Variants in DOCK3 observed in about 807,000 individuals in gnomAD.
DOCK3 encodes the protein dedicator of cytokinesis protein 3.
A neutral mutation model predicts 265.6 loss-of-function variants in DOCK3; 60 were observed. The observed-to-expected ratio is 0.23, with a 90% CI of 0.18 to 0.28. The LOEUF is 0.28. DOCK3 is among the 10% of genes least tolerant of loss of function. The probability of loss-of-function intolerance (pLI) is 1.00; values close to 1 mark genes in which losing one functional copy is unlikely to be tolerated. For missense variants in DOCK3, 1,981 were observed against 2,594.3 expected (o/e 0.76, Z 5.14); for synonymous variants, 881 against 938.0 (o/e 0.94, Z 1.11).
chr3:50,869,763 G>A (rs2047348049), intron 3 of DOCK3, among the ~76,000 whole-genome samples: 1 of 152,004 alleles, frequency 6.6e-6, no homozygotes. Flanking sequence ...TTCATTCAGA[G>A]TTTTTCTTCT....
chr3:51,193,252 C>T (rs2088059651), intron 12 of DOCK3, among the ~76,000 whole-genome samples: 1 of 152,112 alleles, frequency 6.6e-6, no homozygotes, highest in South Asian at 2.1e-4. Flanking sequence ...ATTTTTGAAT[C>T]CCTGGTATAA....
intron 12 of DOCK3, among the ~76,000 whole-genome samples, chr3:51,179,227 A>G (rs1237273551): frequency 6.6e-6 from 1 of 152,248 alleles, no homozygotes; most frequent in Non-Finnish European, 1.5e-5. Context: ...TAATTTTCAT[A>G]AGGCAGAAAT....
At chr3:50,904,876 AG>A (rs1559794189) in intron 4 of DOCK3, among the ~76,000 whole-genome samples, 1 of 152,026 alleles carries the variant, frequency 6.6e-6, no homozygotes, top group Non-Finnish European at 1.5e-5. Context: ...GTTTTCTTCT[AG>A]GGTTTTTATG....
chr3:51,149,035 A>G (rs368861655), intron 10 of DOCK3, among the ~76,000 whole-genome samples: 4 of 152,100 alleles, frequency 2.6e-5, no homozygotes, highest in Non-Finnish European at 4.4e-5. Context: ...GTGGTTTGTA[A>G]TTCTCCTTGA....
chr3:50,984,561 CTTA>C (rs2077823784), intron 5 of DOCK3, among the ~76,000 whole-genome samples: 1 of 152,104 alleles, frequency 6.6e-6, no homozygotes, highest in African/African-American at 2.4e-5. Flanking sequence ...TTTATCCTGG[CTTA>C]AGGAGAAAAG....
chr3:51,196,866 C>A (rs1576377198), intron 12 of DOCK3, among the ~76,000 whole-genome samples: 1 of 152,130 alleles, frequency 6.6e-6, no homozygotes, highest in African/African-American at 2.4e-5. Context: ...TCAAAAATTT[C>A]TTGGATTAAG....
At chr3:51,321,115 G>T (rs1042715779) in intron 32 of DOCK3, among the ~76,000 whole-genome samples, 1 of 152,158 alleles carries the variant, frequency 6.6e-6, no homozygotes, top group Admixed American at 6.5e-5. Flanking sequence ...CTGGGATGAA[G>T]CTTCCAGAGG....
chr3:50,710,709 T>C (rs6778680), intron 1 of DOCK3, among the ~76,000 whole-genome samples: 118,904 of 152,162 alleles, frequency 0.78, 47,545 homozygotes, highest in Middle Eastern at 0.89. Context: ...CATGTTTATG[T>C]GTGCTATAGC....
chr3:50,998,192 G>GAGCT (rs2078350061), intron 5 of DOCK3, among the ~76,000 whole-genome samples: 1 of 152,120 alleles, frequency 6.6e-6, no homozygotes, highest in Non-Finnish European at 1.5e-5. Context: ...GTAAATAGAG[G>GAGCT]AGCTAGATTT....
intron 1 of DOCK3, among the ~76,000 whole-genome samples, chr3:50,694,157 C>A (rs763524569): frequency 1.3e-5 from 2 of 151,960 alleles, no homozygotes; most frequent in Admixed American, 6.6e-5. Context: ...GTAATCCCAG[C>A]TACTGGGGAG....
chr3:50,862,665 G>C (rs1405034974), intron 3 of DOCK3, among the ~76,000 whole-genome samples: 1 of 152,186 alleles, frequency 6.6e-6, no homozygotes, highest in African/African-American at 2.4e-5. Context: ...CAGTGTGGCT[G>C]CAGGCTCTGG....
intron 5 of DOCK3, among the ~76,000 whole-genome samples, chr3:50,962,179 T>G (rs2076907657): frequency 6.6e-6 from 1 of 152,012 alleles, no homozygotes; most frequent in Non-Finnish European, 1.5e-5. Flanking sequence ...CAGGCCCTGG[T>G]GTGTGATGTA....
At chr3:51,284,099 T>G (rs937015929) in intron 27 of DOCK3, among the ~76,000 whole-genome samples, 1 of 152,118 alleles carries the variant, frequency 6.6e-6, no homozygotes, top group African/African-American at 2.4e-5. Context: ...CAGGAACAAC[T>G]GCAGGCCTAT....
At chr3:51,075,576 T>G in intron 7 of DOCK3, 136 bp downstream of exon 7, 1 of 657,446 alleles carries the variant, frequency 1.5e-6, no homozygotes, top group Non-Finnish European at 2.6e-6. Flanking sequence ...AGTGATATTC[T>G]GGCCATATCT....
chr3:50,978,542 C>T (rs953052089), intron 5 of DOCK3, among the ~76,000 whole-genome samples: 53 of 152,210 alleles, frequency 3.5e-4, no homozygotes, highest in African/African-American at 1.2e-3. Context: ...CCACTGCTCT[C>T]TTCAAAGCTG....
At chr3:51,269,861 A>G (rs2080405783) in intron 23 of DOCK3, among the ~76,000 whole-genome samples, 2 of 152,224 alleles carry the variant, frequency 1.3e-5, no homozygotes, top group South Asian at 2.1e-4. Flanking sequence ...TACCAGTATC[A>G]AGACATAAGT....
chr3:51,327,947 G>A (rs891579076), intron 32 of DOCK3, among the ~76,000 whole-genome samples: 7 of 152,056 alleles, frequency 4.6e-5, no homozygotes, highest in African/African-American at 1.4e-4. Flanking sequence ...CTTCCAAAGT[G>A]CTGGGATTAC....
At chr3:51,043,470 A>G (rs1402129201) in intron 5 of DOCK3, among the ~76,000 whole-genome samples, 1 of 152,168 alleles carries the variant, frequency 6.6e-6, no homozygotes, top group Admixed American at 6.5e-5. Flanking sequence ...TAAAATCCCA[A>G]ACTACAAAAA....
chr3:51,082,207 A>G (rs2082267120), intron 7 of DOCK3, among the ~76,000 whole-genome samples: 1 of 151,944 alleles, frequency 6.6e-6, no homozygotes, highest in South Asian at 2.1e-4. Flanking sequence ...CTGAGATTCC[A>G]CAGAGGTACC....
Sources: allele counts gnomAD v4.1 joint callset (sites outside exome capture counted in the v4.1 genomes callset), GRCh38; gene constraint gnomAD v4.1.1; transcripts MANE v1.5; gene names NCBI Gene and HGNC (gene_info 2026-07-23, HGNC 2026-07-21).